MAP2K6: variants seen among roughly 807,000 people sequenced by gnomAD.
The protein encoded by MAP2K6 is mitogen-activated protein kinase kinase 6, also known as dual specificity mitogen-activated protein kinase kinase 6.
Under a neutral mutation model 53.7 loss-of-function variants are expected in MAP2K6, and 16 were observed. The observed-to-expected ratio is 0.30, with a 90% CI of 0.20 to 0.45. The LOEUF is 0.45. Ranked by LOEUF, MAP2K6 falls within the 20% of genes least tolerant of loss-of-function variation. The pLI is 1.00. For synonymous variants in MAP2K6, 132 were observed against 143.1 expected, an observed-to-expected ratio of 0.92 and a Z score of 0.55; for missense variants, 204 against 411.9, an observed-to-expected ratio of 0.50 and a Z score of 4.37.
chr17:69,432,859 G>T (rs1906511853), intron 1 of MAP2K6, among the ~76,000 whole-genome samples: 1 of 150,260 alleles, frequency 6.7e-6, no homozygotes, highest in Admixed American at 6.6e-5. Flanking sequence ...CATCTCCTTG[G>T]ATTTGCTTAT....
In MAP2K6 at chr17:69,534,564, T is replaced by C. The variant is rs79820183; in HGVS notation, c.882-1551T>C. Among the ~76,000 whole-genome samples, 420 of 70,694 alleles carry C rather than the reference T, an allele frequency of 5.9e-3. 7 individuals are homozygous for C. In the South Asian group the frequency reaches 0.064, roughly 11 times the overall value. The allele number at this position is 70,694 out of a possible 152,430, so 46.4% of individuals were successfully genotyped here. A position where few individuals can be genotyped will look rare whatever the true frequency, so the allele number is the denominator to read the frequency against. ...TGGTTCAAAAACTTTCTCTCTCTCTTTTTTTTTTTTTTAATTTTATTTCGT... is the reference window on the plus strand; with the variant it reads ...TGGTTCAAAAACTTTCTCTCTCTCTCTTTTTTTTTTTTAATTTTATTTCGT... On this transcript the variant is annotated intron_variant, in intron 10 of 11. Coordinates refer to ENST00000590474, the MANE Select transcript of MAP2K6 (RefSeq NM_002758.4).
intron 1 of MAP2K6, among the ~76,000 whole-genome samples, chr17:69,495,444 C>T (rs1908911882): frequency 6.6e-6 from 1 of 151,974 alleles, no homozygotes; most frequent in South Asian, 2.1e-4. Context: ...CCATGTTGGC[C>T]AGGGTGGTCT....
At chr17:69,445,211 A>G in intron 1 of MAP2K6, among the ~76,000 whole-genome samples, 1 of 152,212 alleles carries the variant, frequency 6.6e-6, no homozygotes, top group East Asian at 1.9e-4. Context: ...ATAAGCCACC[A>G]CACCAGCCCC....
Position 69,532,821 on chromosome 17 carries a change from C to A in MAP2K6, c.882-3294C>A, listed in dbSNP as rs367972032. ...CAGGGGCCATGAGTCAAGGAATAGC[C>A]TATTGACCAGTTAGTCTTGGAGGTT... is the stretch of plus-strand genomic sequence containing the variant. On this transcript the variant is annotated intron_variant, in intron 10 of 11. Coordinates refer to ENST00000590474, the MANE Select transcript of MAP2K6 (RefSeq NM_002758.4). 2.6e-5 allele frequency among the ~76,000 whole-genome samples: 4 copies of A among 152,280 alleles called. No homozygotes were observed. The South Asian group carries it at 8.3e-4, about 32-fold the overall frequency.
At chr17:69,426,653 A>T (rs1906284158) in intron 1 of MAP2K6, among the ~76,000 whole-genome samples, 1 of 152,204 alleles carries the variant, frequency 6.6e-6, no homozygotes, top group Non-Finnish European at 1.5e-5. Flanking sequence ...AGATCAGGAA[A>T]GTGTTGACAG....
intron 7 of MAP2K6, among the ~76,000 whole-genome samples, chr17:69,523,274 G>T (rs955679345): frequency 3.9e-5 from 6 of 152,208 alleles, no homozygotes; most frequent in African/African-American, 1.4e-4. Flanking sequence ...GGAGAAAACA[G>T]TTCTTTGTAT....
intron 1 of MAP2K6, among the ~76,000 whole-genome samples, chr17:69,462,604 C>T (rs921210787): frequency 6.6e-6 from 1 of 152,076 alleles, no homozygotes; most frequent in African/African-American, 2.4e-5. Context: ...ATATTTTTGC[C>T]CTGCATACGT....
At chr17:69,535,388 T>G (rs1598319541) in intron 10 of MAP2K6, among the ~76,000 whole-genome samples, 1 of 152,122 alleles carries the variant, frequency 6.6e-6, no homozygotes, top group African/African-American at 2.4e-5. Flanking sequence ...AGCCTAAGAC[T>G]TCGAGACCAG....
intron 1 of MAP2K6, among the ~76,000 whole-genome samples, chr17:69,471,117 G>T (rs1262438106): frequency 6.6e-6 from 1 of 152,150 alleles, no homozygotes; most frequent in African/African-American, 2.4e-5. Flanking sequence ...TCAAAATAGG[G>T]TAGGAAAAAA....
Position 69,505,865 on chromosome 17 carries a change from C to T in MAP2K6, c.83+19C>T. On this transcript the variant is annotated intron_variant, in intron 2 of 11. Coordinates refer to ENST00000590474, the MANE Select transcript of MAP2K6 (RefSeq NM_002758.4). ...GTTCCACGTAAGTTGACAAGACCAT[C>T]ATCTGAATCCAAATCCTTGTGCTTT... is the stretch of plus-strand genomic sequence containing the variant. 1 of 1,605,268 alleles carries T rather than the reference C, an allele frequency of 6.2e-7. No individual in the cohort carries two copies. Among genetic ancestry groups the T allele is most frequent in the Non-Finnish European group, 8.5e-7 (1 of 1,172,608 alleles).
chr17:69,523,545 T>G lies in MAP2K6; in HGVS notation c.567T>G (p.Ala189=), dbSNP rs1259440551. Residue 189 remains alanine, a synonymous_variant, in exon 8 of 12, where the codon GCT becomes GCG. Coordinates refer to ENST00000590474, the MANE Select transcript of MAP2K6 (RefSeq NM_002758.4). ...AGCCTTCTAATGTACTCATCAATGC[T>G]CTCGGTCAAGTGAAGATGTGCGATT... The part of the protein sequence containing the change: ...DVKPSNVLIN[A]LGQVKMCDFG... The G allele has an allele frequency of 6.2e-7, 1 of 1,613,968 alleles. No individual in the cohort carries two copies. Among genetic ancestry groups the G allele is most frequent in the Non-Finnish European group, 8.5e-7 (1 of 1,179,988 alleles).
intron 1 of MAP2K6, among the ~76,000 whole-genome samples, chr17:69,490,058 A>G (rs1908683582): frequency 6.6e-6 from 1 of 152,136 alleles, no homozygotes; most frequent in Non-Finnish European, 1.5e-5. Flanking sequence ...ATCTTGCCAT[A>G]TATTTTCTAT....
intron 1 of MAP2K6, among the ~76,000 whole-genome samples, chr17:69,417,747 G>A (rs1467756134): frequency 2.0e-5 from 3 of 152,178 alleles, no homozygotes; most frequent in African/African-American, 7.2e-5. Flanking sequence ...CACTACCCGG[G>A]AGAGAAAAAC....
In MAP2K6 at chr17:69,528,109, C is replaced by CA. The variant is rs71357724; in HGVS notation, c.881+1417dup. On this transcript the variant is annotated intron_variant, in intron 10 of 11. Coordinates refer to ENST00000590474, the MANE Select transcript of MAP2K6 (RefSeq NM_002758.4). ...GAGCAACAAGAATAAAACTTCGTCTCAAAAAAAAAAAAAAAAAGCTGTGAA... is the reference window on the plus strand; with the variant it reads ...GAGCAACAAGAATAAAACTTCGTCTCAAAAAAAAAAAAAAAAAAGCTGTGAA... Among the ~76,000 whole-genome samples, 71 of 75,686 alleles carry CA rather than the reference C, an allele frequency of 9.4e-4. 1 individual carries two copies. Among genetic ancestry groups the CA allele is most frequent in the East Asian group, 7.3e-3 (18 of 2,458 alleles). The allele number at this position is 75,686 out of a possible 152,430, so 49.7% of individuals were successfully genotyped here.
At chr17:69,521,192 G>C in intron 7 of MAP2K6, 92 bp downstream of exon 7, 1 of 1,121,480 alleles carries the variant, frequency 8.9e-7, no homozygotes, top group Non-Finnish European at 1.3e-6. Context: ...CCCATGGGTG[G>C]AAGTAGAATT....
intron 1 of MAP2K6, among the ~76,000 whole-genome samples, chr17:69,449,033 C>T (rs1017373782): frequency 6.6e-6 from 1 of 152,172 alleles, no homozygotes; most frequent in African/African-American, 2.4e-5. Context: ...ACCGATCTTT[C>T]GATGACAGTG....
chr17:69,460,955 C>T (rs930786922), intron 1 of MAP2K6, among the ~76,000 whole-genome samples: 14 of 152,062 alleles, frequency 9.2e-5, no homozygotes, highest in African/African-American at 2.9e-4. Flanking sequence ...AATAGGTTGC[C>T]GTGGGTGAGC....
In MAP2K6 at chr17:69,414,820, C is replaced by A; in HGVS notation, c.-165C>A. 1.6e-6 allele frequency: 1 copy of A among 641,532 alleles called. No individual in the cohort carries two copies. Among genetic ancestry groups the A allele is most frequent in the Non-Finnish European group, 2.8e-6 (1 of 358,418 alleles). The allele number at this position is 641,532 out of a possible 1,614,324, so 39.7% of individuals were successfully genotyped here. On this transcript the variant is annotated 5_prime_UTR_variant, in exon 1 of 12. Transcript: ENST00000590474. The stretch of plus-strand genomic sequence containing the variant: ...AGTCTGTTTTGCAAGGTGTGCATTT[C>A]CATCTTGATTCCCTGAAAGTCCATC...
intron 1 of MAP2K6, among the ~76,000 whole-genome samples, chr17:69,488,188 C>T (rs919094206): frequency 6.6e-6 from 1 of 152,106 alleles, no homozygotes; most frequent in Admixed American, 6.6e-5. Flanking sequence ...CAAAAAAATG[C>T]TCCACATCAC....
Sources: allele counts gnomAD v4.1 joint callset (sites outside exome capture counted in the v4.1 genomes callset), GRCh38; gene constraint gnomAD v4.1.1; transcripts MANE v1.5; gene names NCBI Gene and HGNC (gene_info 2026-07-23, HGNC 2026-07-21).